Variants in ODAD2 observed in about 807,000 individuals in gnomAD.
The protein encoded by ODAD2 is outer dynein arm-docking complex subunit 2.
Under a neutral mutation model 106.8 loss-of-function variants are expected in ODAD2, and 89 were observed. The observed-to-expected ratio is 0.83, with a 90% CI of 0.70 to 0.99. The LOEUF (loss-of-function observed/expected upper bound fraction) is 0.99, where lower values mean the gene tolerates loss of function less well. Among genes scored for constraint, ODAD2 ranks in the 50% least tolerant of loss-of-function variants. The pLI is 0.00. For synonymous variants in ODAD2, 404 were observed against 436.2 expected (o/e 0.93, Z 0.92); for missense variants, 1,168 against 1,238.5 (o/e 0.94, Z 0.85).
At chr10:27,828,745 T>C (rs770301470) in intron 19 of ODAD2, among the ~76,000 whole-genome samples, 14 of 152,192 alleles carry the variant, frequency 9.2e-5, no homozygotes, top group Non-Finnish European at 2.1e-4. Context: ...ATAACTTTAC[T>C]CTAGGAAATG....
intron 17 of ODAD2, among the ~76,000 whole-genome samples, chr10:27,863,171 G>A (rs1357129389): frequency 6.6e-6 from 1 of 152,168 alleles, no homozygotes. Context: ...CAGCATTATA[G>A]CTCATGCAAT....
rs757096123 is a variant in ODAD2 at position 27,995,131 on chromosome 10, A to C, written c.12T>G (p.Ala4=). The C allele has an allele frequency of 7.5e-5, 121 of 1,613,998 alleles. No homozygotes were observed. Among genetic ancestry groups the C allele is most frequent in the Non-Finnish European group, 9.5e-5 (112 of 1,180,040 alleles). The part of the protein sequence containing the change: MGV[A]LRKLTQWTAA... ...CAGTCCACTGCGTCAATTTCCTCAGAGCCACACCCATGGGATCCACCGTGC... is the reference window on the plus strand; with the variant it reads ...CAGTCCACTGCGTCAATTTCCTCAGCGCCACACCCATGGGATCCACCGTGC... The change falls in exon 2 of 20, where the codon GCT becomes GCG. Residue 4 remains alanine (A), a synonymous_variant. Coordinates refer to ENST00000305242, the MANE Select transcript of ODAD2 (RefSeq NM_018076.5).
At chr10:27,859,890 G>A (rs1388448078) in intron 19 of ODAD2, among the ~76,000 whole-genome samples, 2 of 152,182 alleles carry the variant, frequency 1.3e-5, no homozygotes, top group South Asian at 4.1e-4. Flanking sequence ...TTGTTGTTAT[G>A]GTTTAGACTA....
At chr10:27,982,113 C>T (rs1398600487) in intron 6 of ODAD2, among the ~76,000 whole-genome samples, 6 of 152,048 alleles carry the variant, frequency 3.9e-5, no homozygotes, top group Non-Finnish European at 8.8e-5. Context: ...TGTCTCTTTC[C>T]TTTCCTCATT....
In ODAD2 at chr10:27,936,744, C is replaced by A. The variant is rs1229798432; in HGVS notation, c.2234G>T (p.Ser745Ile). 6.2e-7 allele frequency: 1 copy of A among 1,613,996 alleles called. No homozygotes were observed. Among genetic ancestry groups the A allele is most frequent in the Non-Finnish European group, 8.5e-7 (1 of 1,179,918 alleles). Residue 745 changes from serine (S) to isoleucine (I), a missense_variant, in exon 15 of 20, where the codon AGC (serine) becomes ATC (isoleucine). Physicochemically the swap from Ser to Ile is moderately radical, Grantham distance 142 (BLOSUM62 -2). Coordinates refer to ENST00000305242, the MANE Select transcript of ODAD2 (RefSeq NM_018076.5). ...VTGAIWKCSI[S>I]KENVTKFREY... is the part of the protein sequence containing the mutation. ...CTCTTACTTGGTAACATTCTCTTTG[C>A]TGATGGAACATTTCCATATAGCCCC... is the stretch of plus-strand genomic sequence containing the variant.
rs146452449 is a variant in ODAD2, at chr10:27,899,445, C to T, written c.2610+8218G>A. 3.7e-3 allele frequency among the ~76,000 whole-genome samples: 557 copies of T among 152,070 alleles called. 1 individual carries two copies. The highest frequency in any genetic ancestry group is 6.8e-3 in the Non-Finnish European group (459 of 67,996). On this transcript the variant is annotated intron_variant, in intron 17 of 19. Transcript: ENST00000305242. ...GTTTTTTTCATACCCCAGTGGTGCCCGGAATGCCAGCGAGACAGAACTGTT... is the reference window on the plus strand; with the variant it reads ...GTTTTTTTCATACCCCAGTGGTGCCTGGAATGCCAGCGAGACAGAACTGTT...
chr10:27,882,171 A>AG (rs1841755195), intron 17 of ODAD2, among the ~76,000 whole-genome samples: 3 of 141,168 alleles, frequency 2.1e-5, no homozygotes, highest in African/African-American at 5.1e-5. Flanking sequence ...TTGTCATAAA[A>AG]AAAAAGAAAG....
At chr10:27,818,384 AG>A (rs1457023316) in intron 19 of ODAD2, among the ~76,000 whole-genome samples, 1 of 152,068 alleles carries the variant, frequency 6.6e-6, no homozygotes, top group African/African-American at 2.4e-5. Context: ...ATGATTCATA[AG>A]GGTTCATGAG....
intron 15 of ODAD2, 74 bp downstream of exon 15, chr10:27,936,652 G>T (rs750411885): frequency 3.2e-5 from 49 of 1,509,996 alleles, no homozygotes; most frequent in Admixed American, 5.1e-5. Flanking sequence ...CTCCTTACTA[G>T]AATGGCATTA....
At chr10:27,978,188 T>A (rs1443128897) in intron 7 of ODAD2, among the ~76,000 whole-genome samples, 9 of 152,056 alleles carry the variant, frequency 5.9e-5, no homozygotes, top group Non-Finnish European at 1.0e-4. Context: ...AAGCAATAAA[T>A]TAATGATAGA....
At chr10:27,986,334 A>G (rs1332970941) in intron 3 of ODAD2, among the ~76,000 whole-genome samples, 1 of 152,250 alleles carries the variant, frequency 6.6e-6, no homozygotes, top group Non-Finnish European at 1.5e-5. Flanking sequence ...GGGTTATACC[A>G]AAATTCTTGC....
At chr10:27,975,151 G>A (rs947353181) in intron 7 of ODAD2, among the ~76,000 whole-genome samples, 8 of 152,192 alleles carry the variant, frequency 5.3e-5, no homozygotes, top group African/African-American at 1.9e-4. Flanking sequence ...TTTGGGCTGA[G>A]GATCCCTTGT....
intron 17 of ODAD2, among the ~76,000 whole-genome samples, chr10:27,899,108 C>T (rs534502856): frequency 2.0e-5 from 3 of 151,932 alleles, no homozygotes; most frequent in South Asian, 4.2e-4. Context: ...AATTGAGGTA[C>T]CCATCTCATC....
At chr10:27,828,342 G>T (rs117131389) in intron 19 of ODAD2, among the ~76,000 whole-genome samples, 1 of 152,082 alleles carries the variant, frequency 6.6e-6, no homozygotes, top group Non-Finnish European at 1.5e-5. Context: ...GGAAGATTAA[G>T]GCTAAATATG....
chr10:27,924,640 A>AAAAAAAAAAAAAC (rs1845124594), intron 16 of ODAD2, among the ~76,000 whole-genome samples: 1 of 140,076 alleles, frequency 7.1e-6, no homozygotes. Flanking sequence ...AAAAAAAAAA[A>AAAAAAAAAAAAAC]CAGAAGAAAG....
intron 16 of ODAD2, among the ~76,000 whole-genome samples, chr10:27,911,421 C>G (rs532887883): frequency 6.6e-6 from 1 of 152,272 alleles, no homozygotes; most frequent in South Asian, 2.1e-4. Context: ...TTCATCAATT[C>G]AGAATTTGCA....
intron 6 of ODAD2, among the ~76,000 whole-genome samples, chr10:27,982,164 A>T: frequency 1.1e-5 from 1 of 88,340 alleles, no homozygotes; most frequent in East Asian, 2.4e-4. Flanking sequence ...CCATAACAGA[A>T]TATATATATA....
chr10:27,817,561 TCTCA>T (rs1836238867), intron 19 of ODAD2, among the ~76,000 whole-genome samples: 6 of 152,146 alleles, frequency 3.9e-5, no homozygotes, highest in Admixed American at 3.9e-4. Flanking sequence ...CTTGTTTAGC[TCTCA>T]CTAATAAGTG....
chr10:27,873,935 C>T (rs1222517603), intron 17 of ODAD2, among the ~76,000 whole-genome samples: 21 of 151,800 alleles, frequency 1.4e-4, no homozygotes, highest in African/African-American at 1.9e-4. Flanking sequence ...CTCGTTGATC[C>T]GTCTAATGTT....
Sources: allele counts gnomAD v4.1 joint callset (sites outside exome capture counted in the v4.1 genomes callset), GRCh38; gene constraint gnomAD v4.1.1; transcripts MANE v1.5; gene names NCBI Gene and HGNC (gene_info 2026-07-23, HGNC 2026-07-21).